EEA1: variants seen among roughly 807,000 people sequenced by gnomAD.
EEA1 encodes early endosome antigen 1.
EEA1 carries 111 observed loss-of-function variants against 209.2 expected under a neutral mutation model. That is an observed-to-expected ratio of 0.53 (90% CI 0.45 to 0.62). EEA1 has a LOEUF of 0.62. Among genes scored for constraint, EEA1 ranks in the 20% least tolerant of loss-of-function variants. EEA1 has a pLI of 0.00. For synonymous variants in EEA1, 536 were observed against 540.6 expected (o/e 0.99, Z 0.12); for missense variants, 1,343 against 1,530.8 (o/e 0.88, Z 2.05).
Position 92,827,940 on chromosome 12 carries a change from T to A in EEA1, c.1376A>T (p.Gln459Leu). 1 of 1,572,750 alleles carries A rather than the reference T, an allele frequency of 6.4e-7. No individual in the cohort carries two copies. Among genetic ancestry groups the A allele is most frequent in the Non-Finnish European group, 8.6e-7 (1 of 1,162,318 alleles). Reference protein sequence around the residue: ...MDKEQQVADLQLKLSRLEEQL... With the variant: ...MDKEQQVADLLLKLSRLEEQL... ...CTCTTCTAACCGAGAAAGTTTGAGTTGTAAATCAGCCACTTGTTGTTCTTT... is the reference window on the plus strand; with the variant it reads ...CTCTTCTAACCGAGAAAGTTTGAGTAGTAAATCAGCCACTTGTTGTTCTTT... Residue 459 changes from glutamine to leucine, a missense_variant, in exon 12 of 29, where the codon CAA becomes CTA. Gln to Leu is a moderately radical substitution (Grantham distance 113). This residue lies in a region of EEA1 where 1,307 missense variants were observed against 1,465.5 expected (regional missense o/e 0.89). Transcript: ENST00000322349.
intron 2 of EEA1, among the ~76,000 whole-genome samples, chr12:92,886,808 C>T (rs1190262129): frequency 6.6e-6 from 1 of 151,996 alleles, no homozygotes; most frequent in African/African-American, 2.4e-5. Context: ...ACCATCCTGG[C>T]TAACATGGTG....
chr12:92,812,832 T>A, intron 16 of EEA1, 148 bp downstream of exon 16: 1 of 484,396 alleles, frequency 2.1e-6, no homozygotes. Context: ...CCACTTTTAC[T>A]ACTCAACTGG....
intron 22 of EEA1, among the ~76,000 whole-genome samples, chr12:92,784,841 T>C (rs1201717594): frequency 6.6e-6 from 1 of 152,086 alleles, no homozygotes; most frequent in African/African-American, 2.4e-5. Context: ...CATTCCATGG[T>C]TTTGTTGGGA....
At chr12:92,843,944 C>A (rs1258607540) in intron 9 of EEA1, among the ~76,000 whole-genome samples, 2 of 151,976 alleles carry the variant, frequency 1.3e-5, no homozygotes. Context: ...GGAAACCCTT[C>A]CAGAGTGTGT....
chr12:92,898,947 C>T (rs1880033576), intron 1 of EEA1, among the ~76,000 whole-genome samples: 1 of 131,302 alleles, frequency 7.6e-6, no homozygotes, highest in Non-Finnish European at 1.6e-5. Context: ...GTATCTTACT[C>T]ATGAGTGAAA....
chr12:92,825,381 G>A (rs963931857), intron 13 of EEA1, among the ~76,000 whole-genome samples: 1 of 151,718 alleles, frequency 6.6e-6, no homozygotes, highest in African/African-American at 2.4e-5. Context: ...GTGAACCCAG[G>A]AGGCGGAGCT....
chr12:92,856,680 C>T (rs576643004), intron 5 of EEA1, among the ~76,000 whole-genome samples: 3 of 150,446 alleles, frequency 2.0e-5, no homozygotes, highest in South Asian at 2.1e-4. Flanking sequence ...CTGTTTGAAC[C>T]TATTTTTTTT....
chr12:92,806,464 T>C (rs1424516285), intron 18 of EEA1, among the ~76,000 whole-genome samples: 1 of 152,184 alleles, frequency 6.6e-6, no homozygotes, highest in African/African-American at 2.4e-5. Flanking sequence ...AGAATAGCTC[T>C]ATGTCTATTA....
intron 1 of EEA1, among the ~76,000 whole-genome samples, chr12:92,912,572 T>C (rs569692316): frequency 1.6e-3 from 247 of 152,356 alleles, no homozygotes; most frequent in Non-Finnish European, 3.2e-3. Context: ...TTATTTTCTT[T>C]TTATAGATTT....
At chr12:92,785,550 A>G (rs571669480) in intron 22 of EEA1, among the ~76,000 whole-genome samples, 63 of 152,190 alleles carry the variant, frequency 4.1e-4, no homozygotes, top group African/African-American at 1.5e-3. Context: ...GGAATTGACT[A>G]TTTTTTTTAA....
chr12:92,871,448 T>C (rs1878640271), intron 2 of EEA1, among the ~76,000 whole-genome samples: 1 of 152,222 alleles, frequency 6.6e-6, no homozygotes, highest in African/African-American at 2.4e-5. Context: ...GTCCTCTTGT[T>C]TCATTTTCAT....
intron 3 of EEA1, among the ~76,000 whole-genome samples, chr12:92,862,104 C>T (rs1367415522): frequency 6.6e-6 from 1 of 152,166 alleles, no homozygotes; most frequent in Non-Finnish European, 1.5e-5. Flanking sequence ...ATCTAAAAGA[C>T]ATAGCCTGCT....
intron 5 of EEA1, among the ~76,000 whole-genome samples, chr12:92,854,913 T>C (rs1004050732): frequency 1.3e-5 from 2 of 152,232 alleles, no homozygotes; most frequent in African/African-American, 4.8e-5. Context: ...ATATACCTCA[T>C]CTATTGATAT....
chr12:92,851,924 T>C (rs1877647756), intron 8 of EEA1, among the ~76,000 whole-genome samples: 2 of 152,096 alleles, frequency 1.3e-5, no homozygotes, highest in Admixed American at 1.3e-4. Flanking sequence ...ATATGAAAAC[T>C]ACTAAAATGA....
intron 2 of EEA1, among the ~76,000 whole-genome samples, chr12:92,890,438 T>TTA (rs1435373881): frequency 6.6e-6 from 1 of 152,296 alleles, no homozygotes; most frequent in Non-Finnish European, 1.5e-5. Flanking sequence ...ATTTTCTCAG[T>TTA]TATATATACG....
rs1257729641 is a variant in EEA1 at position 92,821,999 on chromosome 12, C to T, written c.1525-2488G>A. Among the ~76,000 whole-genome samples, 7 of 150,116 alleles carry T rather than the reference C, an allele frequency of 4.7e-5. No homozygotes were observed. In the South Asian group the frequency reaches 1.5e-3, roughly 32 times the overall value. Reference sequence around the variant, plus strand: ...GATCCATGAGACATATATATATATACATATAACTACATATACATATAATTA... The same window carrying T: ...GATCCATGAGACATATATATATATATATATAACTACATATACATATAATTA... On this transcript the variant is annotated intron_variant, in intron 13 of 28. Transcript: ENST00000322349.
At position 92,861,323 on chromosome 12, in the gene EEA1, C is replaced by T. The variant is rs899104197; in HGVS notation, c.245+3537G>A. On this transcript the variant is annotated intron_variant, in intron 3 of 28. Transcript: ENST00000322349. The stretch of plus-strand genomic sequence containing the variant: ...ATACAAAATTAGCCGGGCGTGGTGG[C>T]GCATGCCTGTATTCCCAGCTACTCA... Among the ~76,000 whole-genome samples the T allele has an allele frequency of 2.6e-5, 4 of 152,098 alleles. No individual in the cohort carries two copies. In the South Asian group the frequency reaches 6.2e-4, roughly 24 times the overall value.
At chr12:92,807,454 A>G (rs1327991794) in intron 18 of EEA1, among the ~76,000 whole-genome samples, 1 of 152,192 alleles carries the variant, frequency 6.6e-6, no homozygotes, top group Non-Finnish European at 1.5e-5. Flanking sequence ...GCAAGAAAAA[A>G]GATATAAAAG....
intron 2 of EEA1, among the ~76,000 whole-genome samples, chr12:92,870,371 A>T (rs1410598528): frequency 6.6e-6 from 1 of 152,214 alleles, no homozygotes; most frequent in Non-Finnish European, 1.5e-5. Flanking sequence ...ATTTTCAAAG[A>T]AAACACATTA....
Sources: gnomAD v4.1 joint callset for allele counts (sites outside exome capture counted in the v4.1 genomes callset) on GRCh38, gnomAD v4.1.1 for gene constraint, gnomAD v4.1.1 regional missense constraint, MANE v1.5 for transcripts, NCBI Gene and HGNC (gene_info 2026-07-23, HGNC 2026-07-21) for gene names.